Variants in CAMTA2 observed in about 807,000 individuals in gnomAD.
CAMTA2 encodes the protein calmodulin binding transcription activator 2, also known as calmodulin-binding transcription activator 2.
CAMTA2 carries 56 observed loss-of-function variants against 135.7 expected under a neutral mutation model. That is an observed-to-expected ratio of 0.41 (90% CI 0.33 to 0.52). The LOEUF (loss-of-function observed/expected upper bound fraction) is 0.52, where lower values mean the gene tolerates loss of function less well. Among genes scored for constraint, CAMTA2 ranks in the 20% least tolerant of loss-of-function variants. The pLI, the probability that CAMTA2 is intolerant of heterozygous loss-of-function variation, is 0.16. For synonymous variants in CAMTA2, 591 were observed against 604.6 expected, an observed-to-expected ratio of 0.98 and a Z score of 0.33; for missense variants, 1,358 against 1,553.4, an observed-to-expected ratio of 0.87 and a Z score of 2.11.
At chr17:4,986,915 A>G (rs1303133977) in intron 1 of CAMTA2, 15 of 1,489,492 alleles carry the variant, frequency 1.0e-5, no homozygotes, top group Non-Finnish European at 1.4e-5. Flanking sequence ...CCCTCTCCCC[A>G]AACGCCTCTG....
At chr17:4,987,416 T>C in intron 1 of CAMTA2, 177 bp downstream of exon 1, 1 of 1,375,414 alleles carries the variant, frequency 7.3e-7, no homozygotes, top group Non-Finnish European at 9.3e-7. Flanking sequence ...TGGTCCGCCG[T>C]GGGGCCCTGC....
chr17:4,969,859 G>C lies in CAMTA2; in HGVS notation c.3189+43C>G. ...AAGCCCTGGGAGCCCAGTCTCCCCT[G>C]ACTGGAGATTGTGTAATTCATCCTG... On this transcript the variant is annotated intron_variant, in intron 18 of 22. Transcript: ENST00000348066. This position sits in a 1 kb window ranked among gnomAD's most constrained non-coding sequence, Gnocchi z 5.6. 1.2e-6 allele frequency: 2 copies of C among 1,607,488 alleles called. No individual in the cohort carries two copies. Among genetic ancestry groups the C allele is most frequent in the Non-Finnish European group, 1.7e-6 (2 of 1,174,854 alleles).
chr17:4,987,560 G>A (rs1973440329), intron 1 of CAMTA2, 33 bp downstream of exon 1: 4 of 1,508,956 alleles, frequency 2.7e-6, no homozygotes, highest in East Asian at 2.6e-5. Context: ...TGGCGCGGGG[G>A]CGGAGAGGCG....
chr17:4,977,340 C>T (rs971924436), intron 10 of CAMTA2, 148 bp from the exon 11 acceptor site: 3 of 931,808 alleles, frequency 3.2e-6, no homozygotes, highest in East Asian at 5.3e-5. Context: ...GGCCTTGGCA[C>T]TAACTGGGAA....
chr17:4,973,875 TC>T, intron 12 of CAMTA2, 106 bp from the exon 13 acceptor site: 2 of 871,600 alleles, frequency 2.3e-6, no homozygotes, highest in East Asian at 2.7e-5. Context: ...TTTTGCCCCC[TC>T]CCCACATGTC....
intron 9 of CAMTA2, 115 bp downstream of exon 9, chr17:4,979,569 A>C (rs1972833037): frequency 1.5e-6 from 1 of 662,238 alleles, no homozygotes; most frequent in African/African-American, 1.8e-5. Context: ...CTAAGAAGCC[A>C]TGAAAACTGA....
chr17:4,981,468 A>G, intron 7 of CAMTA2, 109 bp from the exon 8 acceptor site: 1 of 1,471,014 alleles, frequency 6.8e-7, no homozygotes, highest in Admixed American at 1.9e-5. Flanking sequence ...GGCCAGGTGA[A>G]CAGAGGCCAG....
rs536535114 is a variant in CAMTA2 at position 4,987,644 on chromosome 17, A to ACCCC, written c.-120_-117dup. On this transcript the variant is annotated 5_prime_UTR_variant, in exon 1 of 23. Coordinates refer to ENST00000348066, the MANE Select transcript of CAMTA2 (RefSeq NM_015099.4). ...GCAGCGGCCATTCTACCCCACACCG[A>ACCCC]CCCCCCCCAGCGCCGGCTGACAGCG... The ACCCC allele has an allele frequency of 3.3e-6, 5 of 1,501,358 alleles. No individual in the cohort carries two copies. The African/African-American group carries it at 4.3e-5, about 13-fold the overall frequency. 93.0% of individuals were successfully genotyped at this position (1,501,358 alleles called of 1,614,324 possible).
chr17:4,973,293 GA>G, intron 13 of CAMTA2, 40 bp from the exon 14 acceptor site: 2 of 1,512,286 alleles, frequency 1.3e-6, no homozygotes, highest in Non-Finnish European at 1.8e-6. Context: ...CCCAATGAGG[GA>G]AAAAGTGGGC....
At chr17:4,976,705 A>G (rs527351033) in intron 11 of CAMTA2, among the ~76,000 whole-genome samples, 1 of 152,202 alleles carries the variant, frequency 6.6e-6, no homozygotes, top group Non-Finnish European at 1.5e-5. Flanking sequence ...CGTCTCAAAA[A>G]AGAAGAGAAA....
Position 4,972,232 on chromosome 17 carries a change from C to T in CAMTA2, c.2808G>A (p.Pro936=), listed in dbSNP as rs1972335111. ...ATAACTCCATCAATATAAGCAGTAC[C>T]GGGATCACATCCACAGCCTGTGGGC... ...ADSPQAVDVI[P]VDMISLAKQI... is the part of the protein sequence containing the mutation. Residue 936 remains proline (P), a splice_region_variant and synonymous_variant, in exon 16 of 23, where the codon CCG becomes CCA. Coordinates refer to ENST00000348066, the MANE Select transcript of CAMTA2 (RefSeq NM_015099.4). 4 of 1,612,518 alleles carry T rather than the reference C, an allele frequency of 2.5e-6. No homozygotes were observed. Among genetic ancestry groups the T allele is most frequent in the Non-Finnish European group, 2.5e-6 (3 of 1,178,892 alleles).
At chr17:4,979,528 A>AAG (rs1340577918) in intron 9 of CAMTA2, 156 bp downstream of exon 9, 15 of 455,548 alleles carry the variant, frequency 3.3e-5, no homozygotes, top group Middle Eastern at 5.6e-4. Context: ...AAAAAAAAAA[A>AAG]AGAGAGAGAT....
At chr17:4,983,257 A>C in intron 3 of CAMTA2, 3 of 505,994 alleles carry the variant, frequency 5.9e-6, no homozygotes, top group Non-Finnish European at 1.1e-5. Context: ...GAATTATTTT[A>C]CTCTCCAAAA....
Position 4,980,526 on chromosome 17 carries a change from G to C in CAMTA2, c.796C>G (p.His266Asp). 1.2e-6 allele frequency: 2 copies of C among 1,612,664 alleles called. No individual in the cohort carries two copies. Among genetic ancestry groups the C allele is most frequent in the African/African-American group, 1.3e-5 (1 of 74,894 alleles). Residue 266 changes from histidine to aspartate, a missense_variant, in exon 9 of 23, where the codon CAC (histidine) becomes GAC (aspartate). By Grantham distance (81) the His-to-Asp change is moderately conservative. Coordinates refer to ENST00000348066, the MANE Select transcript of CAMTA2 (RefSeq NM_015099.4). The surrounding 1 kb of genome is among the most constrained non-coding windows in gnomAD (Gnocchi z 5.3). ...GGAGGAGGCTCTGGGGGGTGAGCGTGGGGGATAGAGGTCAGGGTTAAAGCT... is the reference window on the plus strand; with the variant it reads ...GGAGGAGGCTCTGGGGGGTGAGCGTCGGGGATAGAGGTCAGGGTTAAAGCT... The part of the protein sequence containing the change: ...PRALTLTSIP[H>D]AHPPEPPPLI...
At position 4,980,258 on chromosome 17, in the gene CAMTA2, C is replaced by G. The variant is rs2286009; in HGVS notation, c.1064G>C (p.Ser355Thr). 2 of 1,591,434 alleles carry G rather than the reference C, an allele frequency of 1.3e-6. No homozygotes were observed. Among genetic ancestry groups the G allele is most frequent in the African/African-American group, 1.3e-5 (1 of 74,416 alleles). Residue 355 changes from serine to threonine, a missense_variant, in exon 9 of 23, where the codon AGT becomes ACT. By Grantham distance (58) the Ser-to-Thr change is moderately conservative. Coordinates refer to ENST00000348066, the MANE Select transcript of CAMTA2 (RefSeq NM_015099.4). The surrounding 1 kb of genome is among the most constrained non-coding windows in gnomAD (Gnocchi z 5.3). ...CTCAGTGCCTACAACCACTGCCAAA[C>G]TCATGGAAGGCCTAGGATCAGCCTG... ...APQADPRPSM[S>T]LAVVVGTEPS...
chr17:4,985,995 T>A lies in CAMTA2; in HGVS notation c.32-12A>T, dbSNP rs1322613694. 1.3e-6 allele frequency: 2 copies of A among 1,592,848 alleles called. No individual in the cohort carries two copies. Among genetic ancestry groups the A allele is most frequent in the Non-Finnish European group, 1.7e-6 (2 of 1,160,666 alleles). ...GTGGTGGCTGTTTTCTAAAGGGAAT[T>A]AGAAGGGAGGGTTTAGTGTGCTACC... On this transcript the variant is annotated splice_polypyrimidine_tract_variant and intron_variant, in intron 2 of 22. Transcript: ENST00000348066.
At position 4,972,364 on chromosome 17, in the gene CAMTA2, G is replaced by C. The variant is rs745699429; in HGVS notation, c.2676C>G (p.Pro892=). ...GQLSSGVPEA[P]LLLMDYEATN... Reference sequence around the variant, plus strand: ...TAGCCTCATAGTCCATGAGGAGTAGGGGGGCTTCTGGGACACCAGAGGAAA... The same window carrying C: ...TAGCCTCATAGTCCATGAGGAGTAGCGGGGCTTCTGGGACACCAGAGGAAA... Residue 892 remains proline, a synonymous_variant, in exon 16 of 23, where the codon CCC becomes CCG. Coordinates refer to ENST00000348066, the MANE Select transcript of CAMTA2 (RefSeq NM_015099.4). 7 of 1,613,770 alleles carry C rather than the reference G, an allele frequency of 4.3e-6. No individual in the cohort carries two copies. The highest frequency in any genetic ancestry group is 1.6e-4 in the Middle Eastern group (1 of 6,084).
intron 9 of CAMTA2, 49 bp from the exon 10 acceptor site, chr17:4,978,679 CCT>C (rs749560508): frequency 3.8e-5 from 61 of 1,593,050 alleles, no homozygotes; most frequent in Non-Finnish European, 5.2e-5. Flanking sequence ...GCGTTCATCC[CCT>C]CACTCATTCA....
rs1226339293 is a variant in CAMTA2, at chr17:4,983,062, T to G, written c.136-19A>C. 6.8e-6 allele frequency: 11 copies of G among 1,607,108 alleles called. No homozygotes were observed. Among genetic ancestry groups the G allele is most frequent in the Non-Finnish European group, 8.5e-6 (10 of 1,173,786 alleles). On this transcript the variant is annotated intron_variant, in intron 3 of 22. Transcript: ENST00000348066. ...CAATCTCCTGTAGGAGAGGAGGCAC[T>G]CAGCTGGGCATCTCCTTCACAGAGA...
Sources: allele counts gnomAD v4.1 joint callset (sites outside exome capture counted in the v4.1 genomes callset), GRCh38; gene constraint gnomAD v4.1.1; non-coding constraint Gnocchi (gnomAD v3.1); transcripts MANE v1.5; gene names NCBI Gene and HGNC (gene_info 2026-07-23, HGNC 2026-07-21).